XPR1: variants seen among roughly 807,000 people sequenced by gnomAD.
XPR1 encodes the protein xenotropic and polytropic retrovirus receptor 1, also known as solute carrier family 53 member 1.
In XPR1, 28 loss-of-function variants were observed where a neutral mutation model predicts 87.5. The observed-to-expected ratio is 0.32, with a 90% CI of 0.24 to 0.44. The LOEUF (loss-of-function observed/expected upper bound fraction) is 0.44. XPR1 is among the 20% of genes least tolerant of loss of function. XPR1 has a pLI of 1.00. For missense variants in XPR1, 559 were observed against 862.3 expected, an observed-to-expected ratio of 0.65 and a Z score of 4.41; for synonymous variants, 300 against 306.1, an observed-to-expected ratio of 0.98 and a Z score of 0.21.
chr1:180,684,004 T>G (rs993974825), intron 2 of XPR1, among the ~76,000 whole-genome samples: 1 of 152,230 alleles, frequency 6.6e-6, no homozygotes, highest in African/African-American at 2.4e-5. Flanking sequence ...TTGTTGCCAT[T>G]GCTTTTGGTG....
rs143359920 is a variant in XPR1, at chr1:180,862,888, C to T, written c.1502-820C>T. ...TAGTAGTTATATACCTATAGCACAC[C>T]TAGAGACATTTCACAATGGACTCTA... On this transcript the variant is annotated intron_variant, in intron 11 of 14. Transcript: ENST00000367590. Among the ~76,000 whole-genome samples the T allele has an allele frequency of 7.8e-3, 1,193 of 152,148 alleles. 13 individuals are homozygous for T. Among genetic ancestry groups the T allele is most frequent in the Non-Finnish European group, 0.012 (847 of 67,958 alleles).
chr1:180,861,826 G>T (rs563783963), intron 11 of XPR1, among the ~76,000 whole-genome samples: 1 of 151,960 alleles, frequency 6.6e-6, no homozygotes, highest in African/African-American at 2.4e-5. Flanking sequence ...TGATTTCCAC[G>T]GTGTAAATAC....
chr1:180,659,248 T>C (rs191730725), intron 1 of XPR1, among the ~76,000 whole-genome samples: 140 of 7,272 alleles, frequency 0.019, no homozygotes, highest in South Asian at 0.041. Context: ...CTTCCTTCCT[T>C]CCTCCCTCCC....
rs970727962 is a variant in XPR1, at chr1:180,769,163, A to G, written c.122-18590A>G. Among the ~76,000 whole-genome samples, 3 of 152,176 alleles carry G rather than the reference A, an allele frequency of 2.0e-5. No individual in the cohort carries two copies. In the South Asian group the frequency reaches 6.2e-4, roughly 32 times the overall value. On this transcript the variant is annotated intron_variant, in intron 2 of 14. Transcript: ENST00000367590. ...GGTGTATATAGTTATAGGGTACATGAGATGCTTTCATACAGGGATGCAATG... is the reference window on the plus strand; with the variant it reads ...GGTGTATATAGTTATAGGGTACATGGGATGCTTTCATACAGGGATGCAATG...
intron 6 of XPR1, among the ~76,000 whole-genome samples, chr1:180,807,741 A>G (rs935121229): frequency 1.3e-5 from 2 of 152,244 alleles, no homozygotes; most frequent in Non-Finnish European, 2.9e-5. Flanking sequence ...ACGATGGCTC[A>G]TGCCTGTAAT....
At chr1:180,725,317 C>G (rs975086079) in intron 2 of XPR1, among the ~76,000 whole-genome samples, 2 of 152,012 alleles carry the variant, frequency 1.3e-5, no homozygotes, top group East Asian at 3.8e-4. Context: ...TTTTGAAGAT[C>G]TGACTAATCT....
chr1:180,640,156 C>T (rs1654918903), intron 1 of XPR1, among the ~76,000 whole-genome samples: 1 of 152,138 alleles, frequency 6.6e-6, no homozygotes, highest in Non-Finnish European at 1.5e-5. Flanking sequence ...CAGTAATTTG[C>T]TTAAGGCTCT....
intron 2 of XPR1, among the ~76,000 whole-genome samples, chr1:180,694,840 A>G (rs1048148863): frequency 3.3e-5 from 5 of 151,908 alleles, no homozygotes; most frequent in African/African-American, 1.2e-4. Flanking sequence ...TTGATTCCAT[A>G]TCTTGGCTAT....
intron 1 of XPR1, among the ~76,000 whole-genome samples, chr1:180,639,843 G>A (rs1358609735): frequency 1.3e-5 from 2 of 152,144 alleles, no homozygotes; most frequent in Non-Finnish European, 2.9e-5. Flanking sequence ...CATGGAAGAG[G>A]ATAAAGGAGT....
chr1:180,682,062 C>T (rs1307328364), intron 1 of XPR1, among the ~76,000 whole-genome samples: 2 of 152,074 alleles, frequency 1.3e-5, no homozygotes, highest in Non-Finnish European at 2.9e-5. Context: ...CTGTTTTCTT[C>T]AGTGTTTTTT....
At chr1:180,663,152 T>C (rs1376645146) in intron 1 of XPR1, among the ~76,000 whole-genome samples, 2 of 152,242 alleles carry the variant, frequency 1.3e-5, no homozygotes, top group African/African-American at 4.8e-5. Flanking sequence ...GTTCCTTTGG[T>C]GAGGTCATGT....
intron 11 of XPR1, among the ~76,000 whole-genome samples, chr1:180,848,106 T>C (rs1222088038): frequency 6.6e-6 from 1 of 152,184 alleles, no homozygotes; most frequent in East Asian, 1.9e-4. Context: ...CATAGTGATG[T>C]TCTGTATATG....
chr1:180,711,520 A>G (rs972559339), intron 2 of XPR1, among the ~76,000 whole-genome samples: 4 of 151,948 alleles, frequency 2.6e-5, no homozygotes, highest in East Asian at 1.9e-4. Flanking sequence ...AGGCTGAGGC[A>G]GGAGAATGAG....
At chr1:180,766,594 A>AT (rs1648295936) in intron 2 of XPR1, among the ~76,000 whole-genome samples, 2 of 152,300 alleles carry the variant, frequency 1.3e-5, no homozygotes, top group Non-Finnish European at 2.9e-5. Context: ...TATTTCTAAC[A>AT]TTAAAAAAAA....
At chr1:180,874,925 T>A (rs1230719424) in intron 13 of XPR1, among the ~76,000 whole-genome samples, 1 of 152,208 alleles carries the variant, frequency 6.6e-6, no homozygotes, top group African/African-American at 2.4e-5. Flanking sequence ...CAAGTAAATT[T>A]ACAATTTCAG....
At chr1:180,846,856 T>TAAAAAAAA (rs575472951) in intron 11 of XPR1, among the ~76,000 whole-genome samples, 1 of 132,778 alleles carries the variant, frequency 7.5e-6, no homozygotes. Flanking sequence ...CTTCACATAG[T>TAAAAAAAA]AAAAAAAAAA....
At chr1:180,675,901 T>G (rs1047194207) in intron 1 of XPR1, among the ~76,000 whole-genome samples, 1 of 152,222 alleles carries the variant, frequency 6.6e-6, no homozygotes, top group Non-Finnish European at 1.5e-5. Context: ...AATGTTATCT[T>G]ACTCATGGAG....
intron 7 of XPR1, among the ~76,000 whole-genome samples, chr1:180,817,544 A>G (rs564640191): frequency 1.3e-5 from 2 of 152,284 alleles, no homozygotes; most frequent in South Asian, 4.1e-4. Flanking sequence ...AAATACTACC[A>G]TTGTGTTACA....
intron 13 of XPR1, among the ~76,000 whole-genome samples, chr1:180,874,715 T>TA (rs557062626): frequency 1.0e-3 from 156 of 150,666 alleles, no homozygotes; most frequent in Non-Finnish European, 2.0e-3. Flanking sequence ...TTAAATATTC[T>TA]AAAAAAAAAT....
Sources: gnomAD v4.1 joint callset for allele counts (sites outside exome capture counted in the v4.1 genomes callset) on GRCh38, gnomAD v4.1.1 for gene constraint, MANE v1.5 for transcripts, NCBI Gene and HGNC (gene_info 2026-07-23, HGNC 2026-07-21) for gene names.